The following PRPF6 variants were observed in gnomAD, a reference collection of about 807,000 sequenced individuals.
The protein encoded by PRPF6 is pre-mRNA processing factor 6.
A neutral mutation model predicts 118.3 loss-of-function variants in PRPF6; 42 were observed. The observed-to-expected ratio is 0.35, with a 90% CI of 0.28 to 0.46. The LOEUF is 0.46. Ranked by LOEUF, PRPF6 falls within the 20% of genes least tolerant of loss-of-function variation. The pLI is 1.00. For missense variants in PRPF6, 662 were observed against 1,255.7 expected (o/e 0.53, Z 7.15); for synonymous variants, 481 against 485.1 (o/e 0.99, Z 0.11).
intron 3 of PRPF6, 76 bp downstream of exon 3, chr20:63,985,101 C>A: frequency 8.6e-7 from 1 of 1,165,644 alleles, no homozygotes; most frequent in Non-Finnish European, 1.3e-6. Context: ...CAGTGGCTCA[C>A]GTGTGTAATC....
chr20:64,028,620 G>T lies in PRPF6; in HGVS notation c.2431+51G>T. The T allele has an allele frequency of 6.3e-7, 1 of 1,596,480 alleles. No homozygotes were observed. Among genetic ancestry groups the T allele is most frequent in the Non-Finnish European group, 8.5e-7 (1 of 1,172,136 alleles). On this transcript the variant is annotated intron_variant, in intron 18 of 20. Coordinates refer to ENST00000266079, the MANE Select transcript of PRPF6 (RefSeq NM_012469.4). The surrounding 1 kb of genome is among the most constrained non-coding windows in gnomAD (Gnocchi z 6.5). The stretch of plus-strand genomic sequence containing the variant: ...AGGGGGTGCCCTGACTCCGGTAAGG[G>T]GGTGCCTTGACTCCGGTAAGGGGGT...
intron 11 of PRPF6, among the ~76,000 whole-genome samples, chr20:64,014,116 T>A (rs189523576): frequency 4.6e-5 from 7 of 152,166 alleles, no homozygotes; most frequent in Non-Finnish European, 7.4e-5. Context: ...TTTTTTCTAT[T>A]TTTTGTAGAG....
intron 11 of PRPF6, among the ~76,000 whole-genome samples, chr20:64,014,744 T>G (rs2059229740): frequency 6.6e-6 from 1 of 152,222 alleles, no homozygotes. Flanking sequence ...CCTGCCTACG[T>G]CAAACATGCT....
At chr20:63,985,176 C>G (rs1305389235) in intron 3 of PRPF6, 151 bp downstream of exon 3, 3 of 618,792 alleles carry the variant, frequency 4.8e-6, no homozygotes, top group Non-Finnish European at 8.7e-6. Context: ...CCAGTGTGGG[C>G]AACGTAGGGA....
Position 64,026,114 on chromosome 20 carries a change from G to T in PRPF6, c.2028+56G>T. On this transcript the variant is annotated intron_variant, in intron 15 of 20. Transcript: ENST00000266079. This position sits in a 1 kb window ranked among gnomAD's most constrained non-coding sequence, Gnocchi z 4.4. ...TGGGGTGCATGGTGTGCACATGCGG[G>T]CCCCACGCCTGGCTTGGGTGGTGAT... 1 of 1,594,956 alleles carries T rather than the reference G, an allele frequency of 6.3e-7. No individual in the cohort carries two copies. The highest frequency in any genetic ancestry group is 8.5e-7 in the Non-Finnish European group (1 of 1,178,484).
intron 14 of PRPF6, among the ~76,000 whole-genome samples, 173 bp from the exon 15 acceptor site, chr20:64,025,766 C>T (rs1045245380): frequency 6.6e-5 from 10 of 152,234 alleles, no homozygotes; most frequent in African/African-American, 2.2e-4. Context: ...AGTCTGGATT[C>T]TTGCACTGGA....
chr20:64,028,616 A>G lies in PRPF6; in HGVS notation c.2431+47A>G. 6.3e-7 allele frequency: 1 copy of G among 1,597,182 alleles called. No individual in the cohort carries two copies. The highest frequency in any genetic ancestry group is 1.1e-5 in the South Asian group (1 of 90,442). ...GGTAAGGGGGTGCCCTGACTCCGGT[A>G]AGGGGGTGCCTTGACTCCGGTAAGG... On this transcript the variant is annotated intron_variant, in intron 18 of 20. Transcript: ENST00000266079. This position sits in a 1 kb window ranked among gnomAD's most constrained non-coding sequence, Gnocchi z 6.5.
chr20:64,012,862 C>A (rs537351621), intron 11 of PRPF6, among the ~76,000 whole-genome samples: 8 of 147,650 alleles, frequency 5.4e-5, no homozygotes, highest in Admixed American at 6.7e-5. Flanking sequence ...CAGGAAGTCT[C>A]ATGGCTTCTT....
rs1009965445 is a variant in PRPF6 at position 64,022,859 on chromosome 20, G to A, written c.1750G>A (p.Glu584Lys). Residue 584 changes from glutamate to lysine, a missense_variant, in exon 13 of 21, where the codon GAG becomes AAG. Physicochemically the swap from Glu to Lys is moderately conservative, Grantham distance 56 (BLOSUM62 1). This residue lies in a region of PRPF6 where 189 missense variants were observed against 323.5 expected (regional missense o/e 0.58). Coordinates refer to ENST00000266079, the MANE Select transcript of PRPF6 (RefSeq NM_012469.4). Reference sequence around the variant, plus strand: ...TGTGTGGCTGCGCGCCGCGTACTTCGAGAAGAACCATGGCACTCGGTATGT... The same window carrying A: ...TGTGTGGCTGCGCGCCGCGTACTTCAAGAAGAACCATGGCACTCGGTATGT... ...KSVWLRAAYF[E>K]KNHGTRESLE... 5.0e-6 allele frequency: 8 copies of A among 1,613,938 alleles called. No homozygotes were observed. The highest frequency in any genetic ancestry group is 1.3e-5 in the African/African-American group (1 of 74,924).
chr20:63,992,282 A>C (rs1863930794), intron 3 of PRPF6, among the ~76,000 whole-genome samples: 1 of 151,436 alleles, frequency 6.6e-6, no homozygotes, highest in South Asian at 2.1e-4. Flanking sequence ...TTTTTTTGAG[A>C]CGAAGTTTCA....
intron 19 of PRPF6, among the ~76,000 whole-genome samples, chr20:64,031,403 G>T (rs1469351661): frequency 6.6e-6 from 1 of 152,220 alleles, no homozygotes; most frequent in Non-Finnish European, 1.5e-5. Flanking sequence ...TGGGACAGGT[G>T]CGGTGGCTCA....
intron 12 of PRPF6, among the ~76,000 whole-genome samples, chr20:64,018,488 G>A (rs2059249034): frequency 6.6e-6 from 1 of 152,116 alleles, no homozygotes. Flanking sequence ...AGTGGCCGCA[G>A]GTGTTTCCAC....
chr20:64,018,216 G>A (rs548477527), intron 12 of PRPF6, among the ~76,000 whole-genome samples: 8 of 152,270 alleles, frequency 5.3e-5, no homozygotes, highest in South Asian at 2.1e-4. Context: ...AGTCTCACCC[G>A]TTGTCTCTGT....
At chr20:64,004,716 G>C (rs2059182069) in intron 9 of PRPF6, among the ~76,000 whole-genome samples, 1 of 152,180 alleles carries the variant, frequency 6.6e-6, no homozygotes, top group Non-Finnish European at 1.5e-5. Context: ...TTCAGGATTG[G>C]GGAGGGTGCA....
rs772782650 is a variant in PRPF6, at chr20:63,995,497, C to T, written c.771+15C>T. On this transcript the variant is annotated intron_variant, in intron 6 of 20. Transcript: ENST00000266079. ...GGCTGAGCCAGGTGAGTTTGTCACA[C>T]AGCATTTTCCTGTGGACAGGTTTAG... The T allele has an allele frequency of 9.9e-6, 16 of 1,613,962 alleles. No homozygotes were observed. Among genetic ancestry groups the T allele is most frequent in the Non-Finnish European group, 2.5e-6 (3 of 1,179,994 alleles).
intron 9 of PRPF6, among the ~76,000 whole-genome samples, chr20:64,004,224 C>T (rs1287105889): frequency 6.6e-6 from 1 of 152,136 alleles, no homozygotes; most frequent in African/African-American, 2.4e-5. Context: ...GACTGTGTTT[C>T]CACGGCTGTT....
At chr20:64,006,997 T>A (rs1284528184) in intron 9 of PRPF6, among the ~76,000 whole-genome samples, 5 of 152,234 alleles carry the variant, frequency 3.3e-5, no homozygotes, top group South Asian at 4.1e-4. Flanking sequence ...CACAGCAGAC[T>A]TTTGTCTTCT....
Position 64,022,809 on chromosome 20 carries a change from T to C in PRPF6, c.1700T>C (p.Leu567Pro). The C allele has an allele frequency of 6.2e-7, 1 of 1,614,160 alleles. No individual in the cohort carries two copies. Among genetic ancestry groups the C allele is most frequent in the Non-Finnish European group, 8.5e-7 (1 of 1,180,028 alleles). ...ECARAIYAYA[L>P]QVFPSKKSVW... ...GCACGAGCCATCTACGCCTACGCCC[T>C]GCAGGTGTTCCCCAGCAAGAAGAGT... The change falls in exon 13 of 21, where the codon CTG (leucine) becomes CCG (proline). Residue 567 changes from leucine (L) to proline (P), a missense_variant. Transcript: ENST00000266079.
chr20:63,993,355 G>T, intron 3 of PRPF6, 52 bp from the exon 4 acceptor site: 3 of 1,330,582 alleles, frequency 2.3e-6, no homozygotes, highest in Non-Finnish European at 2.1e-6. Context: ...TAATAAATTT[G>T]CTTCAGAACA....
Sources: gnomAD v4.1 joint callset for allele counts (sites outside exome capture counted in the v4.1 genomes callset) on GRCh38, gnomAD v4.1.1 for gene constraint, gnomAD v4.1.1 regional missense constraint, Gnocchi (gnomAD v3.1) non-coding constraint, MANE v1.5 for transcripts, NCBI Gene and HGNC (gene_info 2026-07-23, HGNC 2026-07-21) for gene names.